ZFR: variants seen among roughly 807,000 people sequenced by gnomAD.
ZFR encodes zinc finger RNA binding protein.
In ZFR, 19 loss-of-function variants were observed where a neutral mutation model predicts 130.7. The observed-to-expected ratio is 0.15, with a 90% CI of 0.10 to 0.21. The LOEUF is 0.21. Ranked by LOEUF, ZFR falls within the 10% of genes least tolerant of loss-of-function variation. The pLI is 1.00. For synonymous variants in ZFR, 466 were observed against 456.9 expected, an observed-to-expected ratio of 1.02 and a Z score of -0.25; for missense variants, 872 against 1,321.5, an observed-to-expected ratio of 0.66 and a Z score of 5.27.
At chr5:32,393,144 A>C (rs1165902743) in intron 11 of ZFR, among the ~76,000 whole-genome samples, 1 of 152,254 alleles carries the variant, frequency 6.6e-6, no homozygotes, top group Non-Finnish European at 1.5e-5. Context: ...CTTCTGTTAA[A>C]ACCAGACATT....
chr5:32,430,132 T>C (rs1052953712), intron 2 of ZFR, among the ~76,000 whole-genome samples: 1 of 128,170 alleles, frequency 7.8e-6, no homozygotes, highest in Non-Finnish European at 1.7e-5. Context: ...AATACACTAA[T>C]ATAAGCAAAA....
chr5:32,441,123 G>A (rs1161105099), intron 2 of ZFR, among the ~76,000 whole-genome samples: 5 of 152,034 alleles, frequency 3.3e-5, no homozygotes, highest in Admixed American at 2.0e-4. Flanking sequence ...ACAGGTGCCC[G>A]CCACCATGCC....
At chr5:32,378,257 C>G (rs953729475) in intron 17 of ZFR, among the ~76,000 whole-genome samples, 1 of 152,118 alleles carries the variant, frequency 6.6e-6, no homozygotes. Context: ...AAATGTCTAT[C>G]AAATGAATGT....
chr5:32,409,222 G>T (rs550485585), intron 5 of ZFR, among the ~76,000 whole-genome samples: 7 of 152,298 alleles, frequency 4.6e-5, no homozygotes, highest in African/African-American at 1.7e-4. Flanking sequence ...AATTTCCAGA[G>T]ATCTTAGTCT....
chr5:32,391,852 G>GC (rs1753186435), intron 11 of ZFR, among the ~76,000 whole-genome samples: 1 of 151,730 alleles, frequency 6.6e-6, no homozygotes, highest in Admixed American at 6.6e-5. Flanking sequence ...TCCCACCTCA[G>GC]CCCCCCAAGC....
At chr5:32,400,384 A>G (rs1753422680) in intron 8 of ZFR, among the ~76,000 whole-genome samples, 181 bp from the exon 9 acceptor site, 1 of 152,182 alleles carries the variant, frequency 6.6e-6, no homozygotes, top group South Asian at 2.1e-4. Flanking sequence ...TATTAGTGAA[A>G]TACGTTTCTG....
rs775367826 is a variant in ZFR at position 32,385,669 on chromosome 5, A to C, written c.2500-20T>G. 3 of 1,610,302 alleles carry C rather than the reference A, an allele frequency of 1.9e-6. No homozygotes were observed. Among genetic ancestry groups the C allele is most frequent in the East Asian group, 2.2e-5 (1 of 44,792 alleles). ...TATAACCTGTGTAATGAAGATGATA[A>C]GAAACAAATTGGATCTGTTGTATTA... is the stretch of plus-strand genomic sequence containing the variant. On this transcript the variant is annotated intron_variant, in intron 14 of 19. Coordinates refer to ENST00000265069, the MANE Select transcript of ZFR (RefSeq NM_016107.5).
intron 2 of ZFR, among the ~76,000 whole-genome samples, chr5:32,422,363 G>A (rs573577129): frequency 6.6e-6 from 1 of 152,222 alleles, no homozygotes; most frequent in South Asian, 2.1e-4. Flanking sequence ...ACAGTCACCA[G>A]TCCCAGGAAA....
At chr5:32,362,058 G>T (rs1331969539) in intron 19 of ZFR, among the ~76,000 whole-genome samples, 2 of 152,148 alleles carry the variant, frequency 1.3e-5, no homozygotes, top group Non-Finnish European at 2.9e-5. Context: ...CTGACAAGAA[G>T]AGAAAATTCT....
At chr5:32,360,013 T>C (rs1341977247) in intron 19 of ZFR, among the ~76,000 whole-genome samples, 1 of 151,942 alleles carries the variant, frequency 6.6e-6, no homozygotes, top group Non-Finnish European at 1.5e-5. Flanking sequence ...TTTCACTACA[T>C]GACCATGTGT....
chr5:32,378,777 C>T (rs114895006), intron 17 of ZFR, among the ~76,000 whole-genome samples: 3,074 of 151,118 alleles, frequency 0.02, 38 homozygotes, highest in Middle Eastern at 0.059. Context: ...AAAAAATGTC[C>T]CTGCATAAGG....
chr5:32,372,694 AT>A (rs1752701261), intron 17 of ZFR, among the ~76,000 whole-genome samples: 1 of 151,790 alleles, frequency 6.6e-6, no homozygotes, highest in Non-Finnish European at 1.5e-5. Flanking sequence ...TTATCCAGAC[AT>A]GGTGGCGCGC....
chr5:32,416,655 T>G (rs1323706971), intron 4 of ZFR, among the ~76,000 whole-genome samples: 3 of 149,718 alleles, frequency 2.0e-5, no homozygotes, highest in Non-Finnish European at 4.4e-5. Context: ...AATAGTCAGA[T>G]AGTCACTATA....
chr5:32,376,894 G>A (rs1308384407), intron 17 of ZFR, among the ~76,000 whole-genome samples: 1 of 151,092 alleles, frequency 6.6e-6, no homozygotes, highest in Admixed American at 6.6e-5. Flanking sequence ...CAGGAGAATC[G>A]CTTGAACCCG....
intron 2 of ZFR, among the ~76,000 whole-genome samples, chr5:32,428,600 A>T (rs916765783): frequency 6.6e-6 from 1 of 152,222 alleles, no homozygotes; most frequent in Non-Finnish European, 1.5e-5. Flanking sequence ...TAGTACGTTT[A>T]GCAGTTGGTT....
chr5:32,438,253 ATTTTTT>A (rs869249272), intron 2 of ZFR, among the ~76,000 whole-genome samples: 80 of 61,066 alleles, frequency 1.3e-3, no homozygotes, highest in African/African-American at 4.5e-3. Context: ...TTATCTGAAA[ATTTTTT>A]TTTTTTTTTT....
At chr5:32,403,841 C>T in intron 7 of ZFR, 65 bp downstream of exon 7, 2 of 1,450,420 alleles carry the variant, frequency 1.4e-6, no homozygotes, top group Non-Finnish European at 1.8e-6. Context: ...TTTACCTAAC[C>T]CCCTTTGAAA....
intron 19 of ZFR, among the ~76,000 whole-genome samples, chr5:32,359,723 G>A (rs1456758289): frequency 6.6e-6 from 1 of 152,144 alleles, no homozygotes; most frequent in African/African-American, 2.4e-5. Flanking sequence ...GACCAAGGTG[G>A]GTGGACCACG....
chr5:32,415,710 T>C (rs2111811697), intron 4 of ZFR, among the ~76,000 whole-genome samples: 1 of 152,324 alleles, frequency 6.6e-6, no homozygotes, highest in African/African-American at 2.4e-5. Context: ...AACAAGGTAC[T>C]ACATAATTTT....
Sources: allele counts gnomAD v4.1 joint callset (sites outside exome capture counted in the v4.1 genomes callset), GRCh38; gene constraint gnomAD v4.1.1; transcripts MANE v1.5; gene names NCBI Gene and HGNC (gene_info 2026-07-23, HGNC 2026-07-21).